The following ST6GALNAC5 variants were observed in gnomAD, a reference collection of about 807,000 sequenced individuals.
ST6GALNAC5 encodes alpha-N-acetylgalactosaminide alpha-2,6-sialyltransferase 5.
A neutral mutation model predicts 33.6 loss-of-function variants in ST6GALNAC5; 27 were observed. That is an observed-to-expected ratio of 0.80 (90% CI 0.59 to 1.11). The LOEUF is 1.11. ST6GALNAC5 is among the 50% of genes least tolerant of loss of function. The probability of loss-of-function intolerance (pLI) is 0.00; values close to 1 mark genes in which losing one functional copy is unlikely to be tolerated. For missense variants in ST6GALNAC5, 428 were observed against 454.0 expected, an observed-to-expected ratio of 0.94 and a Z score of 0.52; for synonymous variants, 194 against 171.2, an observed-to-expected ratio of 1.13 and a Z score of -1.04.
intron 2 of ST6GALNAC5, among the ~76,000 whole-genome samples, chr1:76,873,943 G>C (rs1653568654): frequency 6.6e-6 from 1 of 152,148 alleles, no homozygotes; most frequent in African/African-American, 2.4e-5. Flanking sequence ...AAGAACCTTT[G>C]ATCTAATCGT....
intron 2 of ST6GALNAC5, among the ~76,000 whole-genome samples, chr1:76,984,241 T>C (rs1193942006): frequency 6.6e-6 from 1 of 151,950 alleles, no homozygotes; most frequent in African/African-American, 2.4e-5. Flanking sequence ...TTTGAAAAGA[T>C]TAACAAAATT....
intron 2 of ST6GALNAC5, among the ~76,000 whole-genome samples, chr1:77,023,978 T>C (rs1374025522): frequency 3.3e-5 from 5 of 152,162 alleles, no homozygotes; most frequent in African/African-American, 4.8e-5. Flanking sequence ...CTGGAGAATA[T>C]ACACATGAAT....
At chr1:76,945,101 C>T (rs911762272) in intron 2 of ST6GALNAC5, among the ~76,000 whole-genome samples, 2 of 151,996 alleles carry the variant, frequency 1.3e-5, no homozygotes, top group Non-Finnish European at 2.9e-5. Flanking sequence ...CACATAGTAA[C>T]GCTCTGTGGA....
intron 2 of ST6GALNAC5, among the ~76,000 whole-genome samples, chr1:76,941,116 C>T (rs1439231486): frequency 1.3e-5 from 2 of 152,050 alleles, no homozygotes; most frequent in Admixed American, 1.3e-4. Flanking sequence ...GACCAGATGT[C>T]AGGATTGAGA....
At chr1:76,911,650 C>G (rs1032120332) in intron 2 of ST6GALNAC5, among the ~76,000 whole-genome samples, 1 of 152,140 alleles carries the variant, frequency 6.6e-6, no homozygotes, top group African/African-American at 2.4e-5. Context: ...AGAGATTCAA[C>G]TTCTTCCTGG....
At chr1:76,973,375 G>A (rs1252494935) in intron 2 of ST6GALNAC5, among the ~76,000 whole-genome samples, 1 of 151,680 alleles carries the variant, frequency 6.6e-6, no homozygotes, top group Non-Finnish European at 1.5e-5. Flanking sequence ...TATGAAGATT[G>A]TCTACTGGCA....
At chr1:77,001,802 G>A (rs1026866817) in intron 2 of ST6GALNAC5, among the ~76,000 whole-genome samples, 122 of 150,010 alleles carry the variant, frequency 8.1e-4, no homozygotes, top group South Asian at 2.1e-3. Context: ...TTATTTATTT[G>A]CGTATATTGA....
chr1:76,909,012 A>G (rs1646888443), intron 2 of ST6GALNAC5, among the ~76,000 whole-genome samples: 1 of 152,178 alleles, frequency 6.6e-6, no homozygotes, highest in African/African-American at 2.4e-5. Flanking sequence ...TATTATAGCT[A>G]TGCTGCCATA....
chr1:76,939,937 T>C (rs572001458), intron 2 of ST6GALNAC5, among the ~76,000 whole-genome samples: 179 of 152,104 alleles, frequency 1.2e-3, no homozygotes, highest in Middle Eastern at 3.2e-3. Context: ...TTTCCTTATC[T>C]TTAAAACCGG....
At chr1:77,008,730 A>G (rs988416877) in intron 2 of ST6GALNAC5, among the ~76,000 whole-genome samples, 9 of 152,100 alleles carry the variant, frequency 5.9e-5, no homozygotes, top group African/African-American at 1.9e-4. Flanking sequence ...GGGTTTCACC[A>G]TGTTGGTCAG....
At chr1:76,876,059 G>C (rs899794926) in intron 2 of ST6GALNAC5, among the ~76,000 whole-genome samples, 1 of 152,224 alleles carries the variant, frequency 6.6e-6, no homozygotes, top group African/African-American at 2.4e-5. Flanking sequence ...GTGAGTCCAC[G>C]GAAGGTAGTC....
intron 2 of ST6GALNAC5, among the ~76,000 whole-genome samples, chr1:76,986,237 G>A (rs1184453010): frequency 6.7e-6 from 1 of 150,314 alleles, no homozygotes; most frequent in African/African-American, 2.5e-5. Context: ...AACCTAAAGA[G>A]TGGGAGAAAA....
chr1:76,955,171 A>G (rs1647903588), intron 2 of ST6GALNAC5, among the ~76,000 whole-genome samples: 1 of 152,162 alleles, frequency 6.6e-6, no homozygotes, highest in South Asian at 2.1e-4. Flanking sequence ...TTCCAAGCAC[A>G]CAGAGTTTGC....
chr1:76,919,634 A>G (rs958907229), intron 2 of ST6GALNAC5, among the ~76,000 whole-genome samples: 1 of 152,200 alleles, frequency 6.6e-6, no homozygotes, highest in Non-Finnish European at 1.5e-5. Flanking sequence ...GTATTAATTC[A>G]TCTTAACATC....
At chr1:76,997,584 A>G (rs569728475) in intron 2 of ST6GALNAC5, among the ~76,000 whole-genome samples, 1 of 152,324 alleles carries the variant, frequency 6.6e-6, no homozygotes, top group South Asian at 2.1e-4. Context: ...TTTGAATGCT[A>G]TTGTGGGTAT....
intron 2 of ST6GALNAC5, among the ~76,000 whole-genome samples, chr1:76,982,230 T>C (rs1022330463): frequency 1.3e-5 from 2 of 152,150 alleles, no homozygotes; most frequent in East Asian, 1.9e-4. Context: ...TAAAGGAGTA[T>C]GTTCAAACCC....
At chr1:76,895,870 G>C (rs1433670712) in intron 2 of ST6GALNAC5, among the ~76,000 whole-genome samples, 1 of 152,220 alleles carries the variant, frequency 6.6e-6, no homozygotes, top group Admixed American at 6.5e-5. Context: ...GTCTGTACAG[G>C]AGCTCAAATG....
intron 2 of ST6GALNAC5, among the ~76,000 whole-genome samples, chr1:77,016,036 T>A (rs1247100916): frequency 6.6e-6 from 1 of 151,132 alleles, no homozygotes; most frequent in Admixed American, 6.6e-5. Context: ...CTCCTCCTCC[T>A]CTTCCCCTCA....
At chr1:76,989,064 A>G (rs2100393111) in intron 2 of ST6GALNAC5, among the ~76,000 whole-genome samples, 1 of 152,166 alleles carries the variant, frequency 6.6e-6, no homozygotes, top group East Asian at 1.9e-4. Flanking sequence ...CTTTCTTGTA[A>G]AATTGACCTA....
Sources: gnomAD v4.1 joint callset for allele counts (sites outside exome capture counted in the v4.1 genomes callset) on GRCh38, gnomAD v4.1.1 for gene constraint, MANE v1.5 for transcripts, NCBI Gene and HGNC (gene_info 2026-07-23, HGNC 2026-07-21) for gene names.